The following DENND1A variants were observed in gnomAD, a reference collection of about 807,000 sequenced individuals.
The protein encoded by DENND1A is DENN domain containing 1A, also known as DENN domain-containing protein 1A.
DENND1A carries 51 observed loss-of-function variants against 113.7 expected under a neutral mutation model. The ratio of observed to expected loss-of-function variants is 0.45; its 90% CI spans 0.36 to 0.57. The LOEUF is 0.57. Ranked by LOEUF, DENND1A falls within the 20% of genes least tolerant of loss-of-function variation. The pLI is 0.00. For synonymous variants in DENND1A, 565 were observed against 570.8 expected (o/e 0.99, Z 0.14); for missense variants, 1,258 against 1,395.9 (o/e 0.90, Z 1.57).
chr9:123,681,657 G>A (rs1323379395), intron 5 of DENND1A, among the ~76,000 whole-genome samples: 1 of 152,124 alleles, frequency 6.6e-6, no homozygotes, highest in Non-Finnish European at 1.5e-5. Context: ...ATGTAACTGT[G>A]GGGCATCATG....
At chr9:123,639,792 A>AAAAAAC (rs1272541223) in intron 9 of DENND1A, among the ~76,000 whole-genome samples, 6 of 150,382 alleles carry the variant, frequency 4.0e-5, no homozygotes, top group Middle Eastern at 3.4e-3. Flanking sequence ...AAAAAAAAAA[A>AAAAAAC]AAAAACAAAA....
intron 8 of DENND1A, among the ~76,000 whole-genome samples, chr9:123,666,647 TGG>T (rs1326454663): frequency 6.6e-6 from 1 of 152,096 alleles, no homozygotes; most frequent in Non-Finnish European, 1.5e-5. Flanking sequence ...ACAGAGTAAA[TGG>T]AATATTAGAT....
chr9:123,582,418 G>A, intron 12 of DENND1A, among the ~76,000 whole-genome samples: 1 of 125,854 alleles, frequency 7.9e-6, no homozygotes, highest in East Asian at 2.3e-4. Flanking sequence ...TTTTTTTTTT[G>A]AGATGGAGTC....
chr9:123,392,650 T>C (rs1440110757), intron 21 of DENND1A, among the ~76,000 whole-genome samples: 1 of 152,216 alleles, frequency 6.6e-6, no homozygotes, highest in East Asian at 1.9e-4. Context: ...TCCCTGAACC[T>C]AACTTTCTTG....
At chr9:123,396,258 G>A (rs1044531666) in intron 21 of DENND1A, among the ~76,000 whole-genome samples, 3 of 152,234 alleles carry the variant, frequency 2.0e-5, no homozygotes, top group Non-Finnish European at 2.9e-5. Flanking sequence ...AGGACCAGGA[G>A]ACATGCCCAT....
chr9:123,882,450 T>G (rs1344662834), intron 1 of DENND1A, among the ~76,000 whole-genome samples: 3 of 136,466 alleles, frequency 2.2e-5, no homozygotes, highest in African/African-American at 3.5e-5. Context: ...AAACTTAATG[T>G]CATCCTCGAC....
At position 123,592,772 on chromosome 9, in the gene DENND1A, T is replaced by C. The variant is rs770669245; in HGVS notation, c.766-9502A>G. ...CTCCCGCCTCAGCCTCCTGAGCAGC[T>C]GGCACTCCAGGTGCATGCCACTGTG... On this transcript the variant is annotated intron_variant, in intron 11 of 23. Transcript: ENST00000394215. Among the ~76,000 whole-genome samples, 61 of 152,208 alleles carry C rather than the reference T, an allele frequency of 4.0e-4. 2 individuals carry two copies. The highest frequency in any genetic ancestry group is 5.4e-4 in the Non-Finnish European group (37 of 68,032).
chr9:123,554,995 GT>G (rs1200749015), intron 13 of DENND1A, among the ~76,000 whole-genome samples: 2 of 152,178 alleles, frequency 1.3e-5, no homozygotes, highest in Non-Finnish European at 2.9e-5. Context: ...ATACTCCAGT[GT>G]TTTACCATTA....
intron 10 of DENND1A, among the ~76,000 whole-genome samples, chr9:123,615,957 T>C (rs2060631846): frequency 6.6e-6 from 1 of 152,042 alleles, no homozygotes. Context: ...TGAGACAGAG[T>C]CTTGCTCTGT....
chr9:123,518,551 G>A (rs532799024), intron 13 of DENND1A, among the ~76,000 whole-genome samples: 2 of 152,116 alleles, frequency 1.3e-5, no homozygotes, highest in Non-Finnish European at 2.9e-5. Flanking sequence ...CCCAGGGCAG[G>A]CCACTCCTCA....
At chr9:123,447,495 A>C (rs183016187) in intron 18 of DENND1A, among the ~76,000 whole-genome samples, 20 of 152,334 alleles carry the variant, frequency 1.3e-4, no homozygotes, top group Admixed American at 1.1e-3. Context: ...CCCTCCATAC[A>C]TCATGGTGAC....
chr9:123,900,179 C>A (rs765211941), intron 1 of DENND1A, among the ~76,000 whole-genome samples: 1 of 152,216 alleles, frequency 6.6e-6, no homozygotes, highest in African/African-American at 2.4e-5. Flanking sequence ...CTGGAACCAT[C>A]ACAAATATAA....
chr9:123,918,302 C>G (rs1445075257), intron 1 of DENND1A, among the ~76,000 whole-genome samples: 1 of 150,802 alleles, frequency 6.6e-6, no homozygotes, highest in Non-Finnish European at 1.5e-5. Context: ...TCCTGGCTAA[C>G]ACGGTGAAAC....
At chr9:123,737,782 T>C (rs891990590) in intron 5 of DENND1A, among the ~76,000 whole-genome samples, 1 of 152,196 alleles carries the variant, frequency 6.6e-6, no homozygotes, top group Non-Finnish European at 1.5e-5. Flanking sequence ...TCAAAATATT[T>C]TGAAAACAAT....
Position 123,380,682 on chromosome 9 carries a change from C to T in DENND1A, c.*750G>A, listed in dbSNP as rs79646276. ...CAGAGCTGGATGAGGGCTGGGGGCTCCTCCCAAAATACTCAGATGGGGGTT... is the reference window on the plus strand; with the variant it reads ...CAGAGCTGGATGAGGGCTGGGGGCTTCTCCCAAAATACTCAGATGGGGGTT... On this transcript the variant is annotated 3_prime_UTR_variant, in exon 24 of 24. Transcript: ENST00000394215. 0.026 allele frequency: 3,997 copies of T among 152,504 alleles called. 250 individuals are homozygous for T. Among genetic ancestry groups the T allele is most frequent in the East Asian group, 0.17 (898 of 5,180 alleles). 9.4% of individuals were successfully genotyped at this position (152,504 alleles called of 1,614,324 possible).
intron 2 of DENND1A, among the ~76,000 whole-genome samples, chr9:123,842,614 G>C (rs778481838): frequency 5.3e-5 from 8 of 152,138 alleles, no homozygotes; most frequent in Non-Finnish European, 8.8e-5. Flanking sequence ...TATAGCAAGA[G>C]ATTGAATTAC....
chr9:123,412,373 T>C (rs2044374898), intron 19 of DENND1A, among the ~76,000 whole-genome samples: 1 of 152,228 alleles, frequency 6.6e-6, no homozygotes, highest in Non-Finnish European at 1.5e-5. Flanking sequence ...AACGTGTGCC[T>C]GTCCTTCAAG....
chr9:123,554,586 T>C (rs1184215018), intron 13 of DENND1A, among the ~76,000 whole-genome samples: 1 of 152,226 alleles, frequency 6.6e-6, no homozygotes, highest in African/African-American at 2.4e-5. Context: ...TGAAGCTTGG[T>C]TGGAAAATTC....
chr9:123,680,810 G>T (rs2064395502), intron 5 of DENND1A, among the ~76,000 whole-genome samples: 1 of 152,204 alleles, frequency 6.6e-6, no homozygotes, highest in African/African-American at 2.4e-5. Flanking sequence ...TACTAGTTCA[G>T]TTCAAAGCTA....
Sources: gnomAD v4.1 joint callset for allele counts (sites outside exome capture counted in the v4.1 genomes callset) on GRCh38, gnomAD v4.1.1 for gene constraint, MANE v1.5 for transcripts, NCBI Gene and HGNC (gene_info 2026-07-23, HGNC 2026-07-21) for gene names.